Variants in PLAC8 observed in about 807,000 individuals in gnomAD.
The protein encoded by PLAC8 is placenta associated 8.
In PLAC8, 6 loss-of-function variants were observed where a neutral mutation model predicts 12.6. That is an observed-to-expected ratio of 0.48 (90% CI 0.26 to 0.94). The LOEUF (loss-of-function observed/expected upper bound fraction) is 0.94. Ranked by LOEUF, PLAC8 falls within the 40% of genes least tolerant of loss-of-function variation. The pLI is 0.14. For missense variants in PLAC8, 122 were observed against 152.7 expected (o/e 0.80, Z 1.06); for synonymous variants, 54 against 52.6 (o/e 1.03, Z -0.11).
chr4:83,100,032 C>T (rs573989416), intron 3 of PLAC8, among the ~76,000 whole-genome samples: 10 of 149,066 alleles, frequency 6.7e-5, no homozygotes, highest in African/African-American at 2.0e-4. Flanking sequence ...AACTGCCGGG[C>T]GCGCGAGGCG....
intron 3 of PLAC8, among the ~76,000 whole-genome samples, chr4:83,098,576 T>C (rs1732001874): frequency 6.6e-6 from 1 of 152,196 alleles, no homozygotes; most frequent in Non-Finnish European, 1.5e-5. Context: ...AAGATGATTT[T>C]TATGTAATGT....
At chr4:83,092,336 G>A (rs1185011835) in intron 4 of PLAC8, among the ~76,000 whole-genome samples, 1 of 151,954 alleles carries the variant, frequency 6.6e-6, no homozygotes, top group South Asian at 2.1e-4. Context: ...GCCTCATCCT[G>A]TACAATCTGT....
chr4:83,113,707 T>C (rs17006483), intron 1 of PLAC8, among the ~76,000 whole-genome samples: 2,947 of 151,010 alleles, frequency 0.02, 98 homozygotes, highest in African/African-American at 0.068. Flanking sequence ...GCAGGAAAAA[T>C]GGGGGCAGGA....
At chr4:83,098,109 G>A (rs906012007) in intron 3 of PLAC8, among the ~76,000 whole-genome samples, 3 of 152,018 alleles carry the variant, frequency 2.0e-5, no homozygotes, top group Non-Finnish European at 4.4e-5. Flanking sequence ...TGCTCACCTC[G>A]GCCTCCCAAA....
At chr4:83,098,147 G>A (rs768610363) in intron 3 of PLAC8, among the ~76,000 whole-genome samples, 14 of 152,112 alleles carry the variant, frequency 9.2e-5, no homozygotes, top group Non-Finnish European at 7.4e-5. Context: ...GTGAGCCACC[G>A]CGCCGGGCCT....
intron 3 of PLAC8, among the ~76,000 whole-genome samples, chr4:83,103,011 G>GGGAGGC (rs1732143125): frequency 1.3e-5 from 2 of 151,618 alleles, no homozygotes; most frequent in Non-Finnish European, 2.9e-5. Flanking sequence ...GCGTGAATCT[G>GGGAGGC]GGAGGCGGAG....
intron 3 of PLAC8, among the ~76,000 whole-genome samples, chr4:83,100,950 C>A (rs1003780795): frequency 1.3e-5 from 2 of 152,142 alleles, no homozygotes; most frequent in South Asian, 2.1e-4. Context: ...AGCAAAACAA[C>A]CTTATTGCTA....
At chr4:83,091,452 G>A (rs1015329459) in intron 4 of PLAC8, among the ~76,000 whole-genome samples, 1 of 152,098 alleles carries the variant, frequency 6.6e-6, no homozygotes, top group Admixed American at 6.5e-5. Context: ...AAGAGGTTTT[G>A]GGGAGAAGAC....
At chr4:83,109,273 G>A (rs1306713141) in intron 1 of PLAC8, among the ~76,000 whole-genome samples, 2 of 152,184 alleles carry the variant, frequency 1.3e-5, no homozygotes, top group African/African-American at 4.8e-5. Flanking sequence ...AACAGCTGAA[G>A]CTTATTTTAA....
Position 83,105,848 on chromosome 4 carries a change from C to A in PLAC8, c.119-828G>T, listed in dbSNP as rs540015503. Among the ~76,000 whole-genome samples, 6 of 152,210 alleles carry A rather than the reference C, an allele frequency of 3.9e-5. No homozygotes were observed. The South Asian group carries it at 1.2e-3, about 32-fold the overall frequency. The stretch of plus-strand genomic sequence containing the variant: ...AGAGTTTCACCAATGCAGTCTAATT[C>A]TCACTTTGATTTGCAGATGTTGAAC... On this transcript the variant is annotated intron_variant, in intron 2 of 4. Coordinates refer to ENST00000311507, the MANE Select transcript of PLAC8 (RefSeq NM_016619.3).
chr4:83,092,539 C>A (rs1021521308), intron 4 of PLAC8, among the ~76,000 whole-genome samples: 1 of 151,920 alleles, frequency 6.6e-6, no homozygotes, highest in Admixed American at 6.6e-5. Flanking sequence ...CCATGCCCAG[C>A]CTTAGATTCA....
At chr4:83,101,834 T>A (rs930103826) in intron 3 of PLAC8, among the ~76,000 whole-genome samples, 5 of 152,108 alleles carry the variant, frequency 3.3e-5, no homozygotes, top group Non-Finnish European at 7.4e-5. Context: ...GAAAAAAAAA[T>A]AATTATGCTA....
At position 83,109,461 on chromosome 4, in the gene PLAC8, C is replaced by T. The variant is rs191552335; in HGVS notation, c.-29-1511G>A. 3.0e-3 allele frequency among the ~76,000 whole-genome samples: 455 copies of T among 152,226 alleles called. 4 individuals are homozygous for T. The highest frequency in any genetic ancestry group is 0.011 in the African/African-American group (444 of 41,544). ...GCAAAAGAAGGTTCCAGTAAGTGAA[C>T]AAAAAACCAGGGGGTCCGGCTGAGC... On this transcript the variant is annotated intron_variant, in intron 1 of 4. Coordinates refer to ENST00000311507, the MANE Select transcript of PLAC8 (RefSeq NM_016619.3).
At chr4:83,103,459 T>C (rs1443343844) in intron 3 of PLAC8, among the ~76,000 whole-genome samples, 1 of 152,120 alleles carries the variant, frequency 6.6e-6, no homozygotes, top group East Asian at 1.9e-4. Context: ...GTGAAGATGC[T>C]GTGACCATGG....
intron 3 of PLAC8, among the ~76,000 whole-genome samples, chr4:83,104,564 G>A (rs749931519): frequency 6.6e-6 from 1 of 152,150 alleles, no homozygotes; most frequent in Non-Finnish European, 1.5e-5. Context: ...AAAATGTTGT[G>A]GACCTACCCA....
intron 4 of PLAC8, among the ~76,000 whole-genome samples, chr4:83,091,253 A>G (rs775975340): frequency 7.9e-5 from 12 of 152,188 alleles, no homozygotes; most frequent in Non-Finnish European, 1.5e-4. Context: ...CTGTTCCAGC[A>G]TCTCATCCAG....
intron 1 of PLAC8, among the ~76,000 whole-genome samples, chr4:83,114,388 GT>G (rs919290629): frequency 1.1e-4 from 16 of 152,204 alleles, no homozygotes; most frequent in African/African-American, 3.9e-4. Flanking sequence ...TATAATATGT[GT>G]TTGCTGCAGA....
At chr4:83,113,318 C>T (rs1290857279) in intron 1 of PLAC8, among the ~76,000 whole-genome samples, 14 of 152,270 alleles carry the variant, frequency 9.2e-5, no homozygotes, top group East Asian at 1.9e-4. Context: ...CTCGCATTCC[C>T]GGGAGCACAT....
intron 2 of PLAC8, among the ~76,000 whole-genome samples, chr4:83,105,291 T>C (rs769611045): frequency 1.2e-4 from 19 of 152,238 alleles, no homozygotes; most frequent in Non-Finnish European, 2.5e-4. Context: ...GTAAAACTTA[T>C]TCATTTTCCA....
Sources: allele counts gnomAD v4.1 joint callset (sites outside exome capture counted in the v4.1 genomes callset), GRCh38; gene constraint gnomAD v4.1.1; transcripts MANE v1.5; gene names NCBI Gene and HGNC (gene_info 2026-07-23, HGNC 2026-07-21).